TMEM181: variants seen among roughly 807,000 people sequenced by gnomAD.
TMEM181 encodes the protein transmembrane protein 181.
Under a neutral mutation model 71.9 loss-of-function variants are expected in TMEM181, and 39 were observed. The ratio of observed to expected loss-of-function variants is 0.54; its 90% CI spans 0.42 to 0.71. The LOEUF (loss-of-function observed/expected upper bound fraction) is 0.71. Among genes scored for constraint, TMEM181 ranks in the 30% least tolerant of loss-of-function variants. The probability of loss-of-function intolerance (pLI) is 0.00; values close to 1 mark genes in which losing one functional copy is unlikely to be tolerated. For synonymous variants in TMEM181, 245 were observed against 228.8 expected (o/e 1.07, Z -0.64); for missense variants, 595 against 583.0 (o/e 1.02, Z -0.21).
At position 158,543,456 on chromosome 6, in the gene TMEM181, A is replaced by G. The variant is rs563010832; in HGVS notation, c.131+6591A>G. On this transcript the variant is annotated intron_variant, in intron 1 of 16. Transcript: ENST00000367090. ...CCTTCTAGGGCTGCGGTAAGAAAAC[A>G]CCACAGCCTGCAGGGCTCAAGCAAC... 1.3e-4 allele frequency among the ~76,000 whole-genome samples: 20 copies of G among 152,284 alleles called. No homozygotes were observed. In the East Asian group the frequency reaches 3.5e-3, roughly 27 times the overall value.
chr6:158,617,680 T>C (rs1057218609), intron 10 of TMEM181, among the ~76,000 whole-genome samples: 4 of 152,348 alleles, frequency 2.6e-5, no homozygotes, highest in African/African-American at 7.2e-5. Flanking sequence ...ATGTTGTGTC[T>C]TTGTTCTCAT....
At chr6:158,595,323 T>C (rs1036743) in intron 6 of TMEM181, among the ~76,000 whole-genome samples, 54,828 of 151,910 alleles carry the variant, frequency 0.36, 10,928 homozygotes, top group East Asian at 0.75. Context: ...ACGCTAATGG[T>C]ATTTTAGTGG....
rs571126307 is a variant in TMEM181 at position 158,634,244 on chromosome 6, G to A, written c.*2356G>A. 3 of 152,186 alleles carry A rather than the reference G, an allele frequency of 2.0e-5. No individual in the cohort carries two copies. Among genetic ancestry groups the A allele is most frequent in the Non-Finnish European group, 1.5e-5 (1 of 68,014 alleles). The allele number at this position is 152,186 out of a possible 1,614,324, so 9.4% of individuals were successfully genotyped here. On this transcript the variant is annotated 3_prime_UTR_variant, in exon 17 of 17. Coordinates refer to ENST00000684151, the MANE Select transcript of TMEM181 (RefSeq NM_001376852.1). ...TCTTCCCTGGTATATCATAAATACC[G>A]ACATATTACATACCCCATGTAAAAT...
chr6:158,575,082 C>G (rs1319663711), intron 2 of TMEM181, among the ~76,000 whole-genome samples: 1 of 152,224 alleles, frequency 6.6e-6, no homozygotes, highest in Non-Finnish European at 1.5e-5. Flanking sequence ...CTGCTTGACT[C>G]AGTCTACCGA....
chr6:158,572,802 C>T (rs975952610), intron 1 of TMEM181, among the ~76,000 whole-genome samples: 11 of 152,240 alleles, frequency 7.2e-5, no homozygotes, highest in African/African-American at 2.4e-4. Context: ...AGGCAGCGTC[C>T]GTGTTGGGTG....
In TMEM181 at chr6:158,631,892, C is replaced by T. The variant is rs767838490; in HGVS notation, c.*4C>T. On this transcript the variant is annotated 3_prime_UTR_variant, in exon 17 of 17. Transcript: ENST00000684151. ...GGAGGAGTCAGATAGTGACTGAGCCCCGGCCAGCCCAGCGAGGCGACAAGA... is the reference window on the plus strand; with the variant it reads ...GGAGGAGTCAGATAGTGACTGAGCCTCGGCCAGCCCAGCGAGGCGACAAGA... 1.1e-5 allele frequency: 18 copies of T among 1,583,754 alleles called. No homozygotes were observed. In the East Asian group the frequency reaches 3.7e-4, roughly 32 times the overall value.
At chr6:158,562,434 A>G (rs916249581) in intron 1 of TMEM181, among the ~76,000 whole-genome samples, 1 of 138,180 alleles carries the variant, frequency 7.2e-6, no homozygotes, top group Non-Finnish European at 1.5e-5. Flanking sequence ...GCAAATTTAA[A>G]TAAGGCTGTT....
intron 2 of TMEM181, among the ~76,000 whole-genome samples, chr6:158,579,114 C>T (rs574918339): frequency 1.3e-5 from 2 of 152,082 alleles, no homozygotes; most frequent in South Asian, 2.1e-4. Context: ...CAAAAATTAG[C>T]GAGGTGTGGT....
chr6:158,570,937 G>A (rs1782771458), intron 1 of TMEM181, among the ~76,000 whole-genome samples: 1 of 149,182 alleles, frequency 6.7e-6, no homozygotes, highest in African/African-American at 2.5e-5. Flanking sequence ...TTTTTGAGAT[G>A]GAGTCTCGCT....
At chr6:158,536,814 A>G (rs1048648800) in exon 1 of TMEM181, 6 of 1,556,456 alleles carry the variant, frequency 3.9e-6, no homozygotes, top group Non-Finnish European at 5.2e-6. Flanking sequence ...CGGGAAGCGT[A>G]CCGCGAGCTC....
At chr6:158,584,156 G>C (rs1783630569) in intron 4 of TMEM181, 112 bp downstream of exon 4, 3 of 827,020 alleles carry the variant, frequency 3.6e-6, no homozygotes, top group Non-Finnish European at 3.7e-6. Context: ...AGATGTATAA[G>C]GATGTCCATT....
chr6:158,605,039 G>A (rs2128314721), intron 6 of TMEM181, among the ~76,000 whole-genome samples: 1 of 151,808 alleles, frequency 6.6e-6, no homozygotes, highest in Admixed American at 6.6e-5. Context: ...GATTGAACCT[G>A]GGAGGCGGAG....
In TMEM181 at chr6:158,536,718, C is replaced by A. The variant is rs774818275; in HGVS notation, c.-17C>A. ...AAGGGTGGAGCGGCGGGACCGGGAC[C>A]CGGGAGGCTGCGCGGCATGGACGCC... On this transcript the variant is annotated 5_prime_UTR_variant, in exon 1 of 17. Coordinates refer to the TMEM181 transcript ENST00000367090. 24 of 1,558,126 alleles carry A rather than the reference C, an allele frequency of 1.5e-5. No homozygotes were observed. The highest frequency in any genetic ancestry group is 1.1e-4 in the Admixed American group (6 of 54,808).
At chr6:158,628,201 T>C in intron 13 of TMEM181, 1 of 694,686 alleles carries the variant, frequency 1.4e-6, no homozygotes, top group Middle Eastern at 2.3e-4. Flanking sequence ...CCCACCTAGA[T>C]CCGAGACCAA....
At chr6:158,628,122 G>A (rs1306046363) in intron 13 of TMEM181, among the ~76,000 whole-genome samples, 1 of 152,188 alleles carries the variant, frequency 6.6e-6, no homozygotes, top group Non-Finnish European at 1.5e-5. Context: ...TCAAGGCCCC[G>A]AGTAGGGAGA....
At chr6:158,569,599 T>C (rs887855072) in intron 1 of TMEM181, among the ~76,000 whole-genome samples, 113 of 142,378 alleles carry the variant, frequency 7.9e-4, no homozygotes, top group African/African-American at 1.2e-3. Flanking sequence ...CCCTTTCTCT[T>C]TTTTTTTTTT....
At chr6:158,546,760 C>T (rs898442427) in intron 1 of TMEM181, among the ~76,000 whole-genome samples, 1 of 151,454 alleles carries the variant, frequency 6.6e-6, no homozygotes, top group African/African-American at 2.4e-5. Flanking sequence ...GAGTTCGAGA[C>T]CAGCCTGGCC....
intron 1 of TMEM181, among the ~76,000 whole-genome samples, chr6:158,547,467 G>C (rs943993974): frequency 1.3e-5 from 2 of 152,018 alleles, no homozygotes; most frequent in Non-Finnish European, 2.9e-5. Context: ...ATCTGTCCTG[G>C]GGCTCCCAGT....
chr6:158,605,251 C>T lies in TMEM181; in HGVS notation c.493-16C>T. Reference sequence around the variant, plus strand: ...ATATATTTTTTTCAAATTGTTTTCTCCACTTTCTATTTTAGTGGAAGACTT... The same window carrying T: ...ATATATTTTTTTCAAATTGTTTTCTTCACTTTCTATTTTAGTGGAAGACTT... On this transcript the variant is annotated splice_polypyrimidine_tract_variant and intron_variant, in intron 6 of 16. Transcript: ENST00000684151. 6.2e-7 allele frequency: 1 copy of T among 1,608,618 alleles called. No homozygotes were observed. Among genetic ancestry groups the T allele is most frequent in the Non-Finnish European group, 8.5e-7 (1 of 1,176,288 alleles).
Sources: allele counts gnomAD v4.1 joint callset (sites outside exome capture counted in the v4.1 genomes callset), GRCh38; gene constraint gnomAD v4.1.1; transcripts MANE v1.5; gene names NCBI Gene and HGNC (gene_info 2026-07-23, HGNC 2026-07-21).